MATN2: variants seen among roughly 807,000 people sequenced by gnomAD.
The protein encoded by MATN2 is matrilin 2.
Under a neutral mutation model 103.2 loss-of-function variants are expected in MATN2, and 69 were observed. The observed-to-expected ratio is 0.67, with a 90% CI of 0.55 to 0.82. MATN2 has a LOEUF of 0.82. Ranked by LOEUF, MATN2 falls within the 40% of genes least tolerant of loss-of-function variation. The pLI, the probability that MATN2 is intolerant of heterozygous loss-of-function variation, is 0.00. For synonymous variants in MATN2, 429 were observed against 450.2 expected (o/e 0.95, Z 0.60); for missense variants, 1,023 against 1,211.5 (o/e 0.84, Z 2.31).
chr8:97,902,167 G>A (rs1377553048), intron 2 of MATN2, among the ~76,000 whole-genome samples: 7 of 150,506 alleles, frequency 4.7e-5, no homozygotes, highest in Non-Finnish European at 7.4e-5. Flanking sequence ...CTGGCCAGGG[G>A]ACATGTATTT....
At chr8:98,035,525 C>T (rs762429067) in intron 18 of MATN2, 132 bp from the exon 19 acceptor site, 2 of 544,394 alleles carry the variant, frequency 3.7e-6, no homozygotes, top group Admixed American at 3.4e-5. Flanking sequence ...TTTTAACATA[C>T]TTGACAGAAA....
intron 11 of MATN2, among the ~76,000 whole-genome samples, chr8:98,017,738 TG>T (rs1354461204): frequency 6.6e-6 from 1 of 152,218 alleles, no homozygotes; most frequent in Non-Finnish European, 1.5e-5. Flanking sequence ...TACAGAAAGT[TG>T]ATGATGGACT....
chr8:97,995,309 T>C (rs1351421101), intron 7 of MATN2, among the ~76,000 whole-genome samples: 1 of 152,230 alleles, frequency 6.6e-6, no homozygotes, highest in Non-Finnish European at 1.5e-5. Flanking sequence ...CACTCATAGA[T>C]GTGCACAATG....
chr8:98,036,710 C>T lies in MATN2; in HGVS notation c.*998C>T, dbSNP rs1398038456. 1 of 152,160 alleles carries T rather than the reference C, an allele frequency of 6.6e-6. No homozygotes were observed. Among genetic ancestry groups the T allele is most frequent in the Non-Finnish European group, 1.5e-5 (1 of 68,038 alleles). The allele number at this position is 152,160 out of a possible 1,614,324, so 9.4% of individuals were successfully genotyped here. On this transcript the variant is annotated 3_prime_UTR_variant, in exon 19 of 19. Coordinates refer to ENST00000254898, the MANE Select transcript of MATN2 (RefSeq NM_002380.5). ...TGCTACATCTATACAAATAAATGGT[C>T]AAACTCAAAACAAAGATGACTTTAA...
At chr8:97,956,772 C>A (rs959700128) in intron 4 of MATN2, among the ~76,000 whole-genome samples, 5 of 152,168 alleles carry the variant, frequency 3.3e-5, no homozygotes, top group Admixed American at 6.5e-5. Context: ...GTGTGAATAC[C>A]TCTTGCTGAG....
At chr8:97,922,114 C>T (rs774366800) in intron 2 of MATN2, among the ~76,000 whole-genome samples, 3 of 152,232 alleles carry the variant, frequency 2.0e-5, no homozygotes, top group Admixed American at 6.5e-5. Context: ...CTTCCCCACT[C>T]TGTCCCTGGA....
chr8:97,930,366 T>C (rs1810136787), intron 2 of MATN2, among the ~76,000 whole-genome samples: 2 of 152,232 alleles, frequency 1.3e-5, no homozygotes, highest in African/African-American at 4.8e-5. Context: ...ATTTTGACCC[T>C]GATCAGGTGT....
chr8:97,979,682 C>G (rs1440698911), intron 6 of MATN2, among the ~76,000 whole-genome samples: 5 of 152,102 alleles, frequency 3.3e-5, no homozygotes. Flanking sequence ...GGATTATTAT[C>G]CTTCTATAGG....
Position 98,027,423 on chromosome 8 carries a change from T to C in MATN2, c.1950T>C (p.Thr650=), listed in dbSNP as rs771879754. The change falls in exon 14 of 19, where the codon ACT becomes ACC. Residue 650 remains threonine, a synonymous_variant. Transcript: ENST00000254898. ...TTCCTTCTGTTCATATAGAATGCAC[T>C]GAAGGCCCAATTGACCTGGTCTTTG... ...AEDGRRCKKC[T]EGPIDLVFVI... is the part of the protein sequence containing the mutation. The C allele has an allele frequency of 4.4e-6, 7 of 1,602,676 alleles. No homozygotes were observed. The South Asian group carries it at 7.7e-5, about 18-fold the overall frequency.
intron 2 of MATN2, among the ~76,000 whole-genome samples, chr8:97,897,880 G>A (rs1390491058): frequency 2.0e-5 from 3 of 152,192 alleles, no homozygotes; most frequent in African/African-American, 4.8e-5. Flanking sequence ...AAAGCACAGC[G>A]TCTGACCTCC....
chr8:98,002,856 A>T (rs190360039), intron 7 of MATN2, among the ~76,000 whole-genome samples: 2 of 152,264 alleles, frequency 1.3e-5, no homozygotes, highest in Admixed American at 6.5e-5. Context: ...TCTTCAAGAC[A>T]TAACCCTGGC....
chr8:97,890,002 C>T (rs1818575571), intron 2 of MATN2, among the ~76,000 whole-genome samples: 1 of 152,188 alleles, frequency 6.6e-6, no homozygotes, highest in South Asian at 2.1e-4. Flanking sequence ...CTGCATCCAG[C>T]ATTGATTCCT....
intron 1 of MATN2, among the ~76,000 whole-genome samples, chr8:97,875,690 GTTTTTTT>G (rs763539274): frequency 6.1e-5 from 5 of 82,034 alleles, no homozygotes; most frequent in Non-Finnish European, 1.1e-4. Context: ...GTATTTGCCT[GTTTTTTT>G]TTTTTTTTTT....
At chr8:97,918,566 G>T (rs1429168788) in intron 2 of MATN2, among the ~76,000 whole-genome samples, 1 of 152,206 alleles carries the variant, frequency 6.6e-6, no homozygotes, top group Non-Finnish European at 1.5e-5. Flanking sequence ...AACTCCGGTA[G>T]GTGCAGCAGA....
chr8:97,941,780 C>T lies in MATN2; in HGVS notation c.716C>T (p.Ala239Val), dbSNP rs765400588. 5 of 1,591,682 alleles carry T rather than the reference C, an allele frequency of 3.1e-6. No homozygotes were observed. Among genetic ancestry groups the T allele is most frequent in the African/African-American group, 1.3e-5 (1 of 74,704 alleles). ...TSVFQKKLCT[A>V]HMCSTLEHNC... is the part of the protein sequence containing the mutation. The stretch of plus-strand genomic sequence containing the variant: ...CTTCCTGTGTCTTCCCTTTCAGCGG[C>T]CCATATGTGCAGCACCCTGGAGCAT... The change falls in exon 4 of 19, where the codon GCC becomes GTC. Residue 239 changes from alanine to valine, a missense_variant. Ala to Val is a moderately conservative substitution (Grantham distance 64, BLOSUM62 0). Coordinates refer to ENST00000254898, the MANE Select transcript of MATN2 (RefSeq NM_002380.5).
chr8:97,997,635 C>G (rs748520301), intron 7 of MATN2, among the ~76,000 whole-genome samples: 32 of 152,256 alleles, frequency 2.1e-4, no homozygotes, highest in Non-Finnish European at 4.0e-4. Context: ...GGTGCCATGT[C>G]AGAGCACCTA....
At chr8:97,878,604 C>T (rs1818155554) in intron 1 of MATN2, among the ~76,000 whole-genome samples, 1 of 151,544 alleles carries the variant, frequency 6.6e-6, no homozygotes, top group Non-Finnish European at 1.5e-5. Flanking sequence ...AATCCCAGAA[C>T]TTTGGGAGAG....
At chr8:97,971,165 C>G (rs909573296) in intron 5 of MATN2, among the ~76,000 whole-genome samples, 1 of 152,030 alleles carries the variant, frequency 6.6e-6, no homozygotes. Context: ...GTCAGAGAGT[C>G]CTGACGGTTT....
At position 97,932,945 on chromosome 8, in the gene MATN2, C is replaced by T. The variant is rs1397865018; in HGVS notation, c.712+1423C>T. Among the ~76,000 whole-genome samples the T allele has an allele frequency of 5.3e-5, 8 of 152,124 alleles. No individual in the cohort carries two copies. The East Asian group carries it at 1.5e-3, about 29-fold the overall frequency. ...ATGAGCTTTAGAGCCAGACTCAGCA[C>T]CAACTCCCCAGGAGAGGGCACCCAG... is the stretch of plus-strand genomic sequence containing the variant. On this transcript the variant is annotated intron_variant, in intron 3 of 18. Coordinates refer to ENST00000254898, the MANE Select transcript of MATN2 (RefSeq NM_002380.5).
Sources: allele counts gnomAD v4.1 joint callset (sites outside exome capture counted in the v4.1 genomes callset), GRCh38; gene constraint gnomAD v4.1.1; transcripts MANE v1.5; gene names NCBI Gene and HGNC (gene_info 2026-07-23, HGNC 2026-07-21).